SYT16: variants seen among roughly 807,000 people sequenced by gnomAD.
The protein encoded by SYT16 is synaptotagmin-16.
Under a neutral mutation model 61.4 loss-of-function variants are expected in SYT16, and 42 were observed. The ratio of observed to expected loss-of-function variants is 0.68; its 90% CI spans 0.53 to 0.89. The LOEUF is 0.89. Ranked by LOEUF, SYT16 falls within the 40% of genes least tolerant of loss-of-function variation. The pLI is 0.00. For missense variants in SYT16, 804 were observed against 807.3 expected (o/e 1.00, Z 0.05); for synonymous variants, 314 against 302.3 (o/e 1.04, Z -0.40).
chr14:61,820,469 G>GGT (rs2045578027), intron 1 of SYT16, among the ~76,000 whole-genome samples: 6 of 61,082 alleles, frequency 9.8e-5, no homozygotes, highest in Admixed American at 6.2e-4. Context: ...CCTCTTCAGA[G>GGT]TTTTTTTTTT....
At chr14:61,891,639 A>T (rs916937267) in intron 1 of SYT16, among the ~76,000 whole-genome samples, 10 of 152,226 alleles carry the variant, frequency 6.6e-5, no homozygotes, top group Non-Finnish European at 1.2e-4. Flanking sequence ...AAAGGTGATA[A>T]AGGTAGAACA....
At chr14:62,067,205 G>C (rs560332997) in intron 3 of SYT16, among the ~76,000 whole-genome samples, 1 of 152,256 alleles carries the variant, frequency 6.6e-6, no homozygotes, top group South Asian at 2.1e-4. Context: ...AAGTATTTAT[G>C]AACTACTTAC....
At chr14:62,093,832 A>G (rs2057176589) in intron 7 of SYT16, among the ~76,000 whole-genome samples, 1 of 152,148 alleles carries the variant, frequency 6.6e-6, no homozygotes, top group South Asian at 2.1e-4. Context: ...GTATTAATAT[A>G]GACTAGGCTG....
chr14:61,921,170 C>T (rs1337129350), intron 1 of SYT16, among the ~76,000 whole-genome samples: 1 of 152,220 alleles, frequency 6.6e-6, no homozygotes, highest in Non-Finnish European at 1.5e-5. Context: ...AGCACAGAAC[C>T]TGGCACAGTA....
intron 1 of SYT16, among the ~76,000 whole-genome samples, chr14:61,880,499 A>G (rs563558625): frequency 6.6e-6 from 1 of 152,222 alleles, no homozygotes; most frequent in East Asian, 1.9e-4. Context: ...GTAAAGTTCC[A>G]CAAAATCCTG....
At chr14:61,922,546 G>A (rs2140407612) in intron 1 of SYT16, among the ~76,000 whole-genome samples, 1 of 152,324 alleles carries the variant, frequency 6.6e-6, no homozygotes, top group South Asian at 2.1e-4. Flanking sequence ...TAGAGAGTAG[G>A]AGGAGGGAAA....
Position 61,922,410 on chromosome 14 carries a change from C to T in SYT16, c.-324-47722C>T, listed in dbSNP as rs1048224538. Among the ~76,000 whole-genome samples the T allele has an allele frequency of 6.6e-5, 10 of 152,142 alleles. No homozygotes were observed. In the East Asian group the frequency reaches 1.9e-3, roughly 29 times the overall value. On this transcript the variant is annotated intron_variant, in intron 1 of 7. Coordinates refer to ENST00000683842, the MANE Select transcript of SYT16 (RefSeq NM_001367656.1). ...CATGGATGGAGCTGGAGTCCATTATCCTTAGCAAATTAACTCAGGAACAGA... is the reference window on the plus strand; with the variant it reads ...CATGGATGGAGCTGGAGTCCATTATTCTTAGCAAATTAACTCAGGAACAGA...
chr14:61,867,314 G>A lies in SYT16; in HGVS notation c.-325+54504G>A, dbSNP rs74057556. Among the ~76,000 whole-genome samples, 822 of 151,884 alleles carry A rather than the reference G, an allele frequency of 5.4e-3. 5 individuals carry two copies. Among genetic ancestry groups the A allele is most frequent in the African/African-American group, 0.019 (771 of 41,450 alleles). ...TCTTCCTGGATTTTCTTGTTTGTAC[G>A]TTAAAATTTGTTGAGAAAAAGAAAT... On this transcript the variant is annotated intron_variant, in intron 1 of 7. Coordinates refer to ENST00000683842, the MANE Select transcript of SYT16 (RefSeq NM_001367656.1).
chr14:61,999,851 G>A (rs183188657), intron 3 of SYT16, among the ~76,000 whole-genome samples: 20 of 151,374 alleles, frequency 1.3e-4, no homozygotes, highest in Middle Eastern at 3.4e-3. Flanking sequence ...CCAAATATTG[G>A]GAATATTCTA....
intron 1 of SYT16, among the ~76,000 whole-genome samples, chr14:61,912,016 G>A (rs1046829678): frequency 6.6e-6 from 1 of 152,188 alleles, no homozygotes; most frequent in Non-Finnish European, 1.5e-5. Context: ...TACCTTACAA[G>A]ACAGGCTGGC....
chr14:61,912,357 C>T (rs745457182), intron 1 of SYT16, among the ~76,000 whole-genome samples: 6 of 152,208 alleles, frequency 3.9e-5, no homozygotes, highest in Non-Finnish European at 8.8e-5. Flanking sequence ...CAGCGTTTCA[C>T]ACAAATGTGA....
chr14:61,854,421 T>TACAC (rs752188147), intron 1 of SYT16, among the ~76,000 whole-genome samples: 2 of 152,260 alleles, frequency 1.3e-5, no homozygotes, highest in Non-Finnish European at 2.9e-5. Context: ...TTAATCATAC[T>TACAC]ACACACACAC....
At chr14:61,943,367 C>T (rs924668113) in intron 1 of SYT16, among the ~76,000 whole-genome samples, 1 of 152,216 alleles carries the variant, frequency 6.6e-6, no homozygotes, top group Non-Finnish European at 1.5e-5. Flanking sequence ...AAGGACTCCT[C>T]TCTAACTCAT....
At chr14:61,839,224 C>T (rs1329113706) in intron 1 of SYT16, among the ~76,000 whole-genome samples, 1 of 152,138 alleles carries the variant, frequency 6.6e-6, no homozygotes, top group African/African-American at 2.4e-5. Context: ...GGTGATAGGG[C>T]TCTGCTCTCA....
At chr14:61,981,090 G>A (rs1180600628) in intron 2 of SYT16, among the ~76,000 whole-genome samples, 2 of 152,142 alleles carry the variant, frequency 1.3e-5, no homozygotes, top group African/African-American at 2.4e-5. Context: ...CCAATTTTGC[G>A]CTTGCAGTCT....
At chr14:61,888,748 T>C (rs2048009064) in intron 1 of SYT16, among the ~76,000 whole-genome samples, 1 of 149,734 alleles carries the variant, frequency 6.7e-6, no homozygotes, top group South Asian at 2.1e-4. Flanking sequence ...CAATGCAGGG[T>C]TGCCAACAAC....
chr14:62,077,203 A>G (rs926113797), intron 5 of SYT16, among the ~76,000 whole-genome samples: 1 of 152,262 alleles, frequency 6.6e-6, no homozygotes, highest in Non-Finnish European at 1.5e-5. Context: ...CATCAACACT[A>G]TCTTACTAAA....
At chr14:61,870,096 T>C (rs191211177) in intron 1 of SYT16, among the ~76,000 whole-genome samples, 21 of 152,348 alleles carry the variant, frequency 1.4e-4, no homozygotes, top group African/African-American at 4.8e-4. Flanking sequence ...TTTGTGTAGA[T>C]ACAAATTTCC....
At chr14:61,959,486 G>T (rs893085552) in intron 1 of SYT16, among the ~76,000 whole-genome samples, 13 of 152,000 alleles carry the variant, frequency 8.6e-5, no homozygotes, top group Admixed American at 6.6e-5. Flanking sequence ...ATTTTAAGCT[G>T]ATAACTTCAA....
Sources: gnomAD v4.1 joint callset for allele counts (sites outside exome capture counted in the v4.1 genomes callset) on GRCh38, gnomAD v4.1.1 for gene constraint, MANE v1.5 for transcripts, NCBI Gene and HGNC (gene_info 2026-07-23, HGNC 2026-07-21) for gene names.